CCDC124: variants seen among roughly 807,000 people sequenced by gnomAD.
CCDC124 encodes coiled-coil domain-containing protein 124.
Under a neutral mutation model 19.8 loss-of-function variants are expected in CCDC124, and 9 were observed. The ratio of observed to expected loss-of-function variants is 0.45; its 90% confidence interval spans 0.27 to 0.79. The LOEUF (loss-of-function observed/expected upper bound fraction) is 0.79, where lower values mean the gene tolerates loss of function less well. Among genes scored for constraint, CCDC124 ranks in the 30% least tolerant of loss-of-function variants. CCDC124 has a pLI of 0.14. For missense variants in CCDC124, 285 were observed against 319.0 expected, an observed-to-expected ratio of 0.89 and a Z score of 0.81; for synonymous variants, 126 against 131.3, an observed-to-expected ratio of 0.96 and a Z score of 0.27.
At chr19:17,938,778 G>C (rs1352822939) in intron 2 of CCDC124, among the ~76,000 whole-genome samples, 1 of 151,920 alleles carries the variant, frequency 6.6e-6, no homozygotes, top group South Asian at 2.1e-4. Flanking sequence ...TTTGTGTAGG[G>C]GGTGGGGGTC....
chr19:17,941,109 G>A (rs1351688629), intron 2 of CCDC124, among the ~76,000 whole-genome samples: 1 of 147,832 alleles, frequency 6.8e-6, no homozygotes, highest in Non-Finnish European at 1.5e-5. Context: ...TTGGCTAGTT[G>A]GCTATAGTTT....
chr19:17,940,193 G>A (rs902524824), intron 2 of CCDC124, among the ~76,000 whole-genome samples: 9 of 152,112 alleles, frequency 5.9e-5, no homozygotes, highest in African/African-American at 1.2e-4. Context: ...AATTACATGC[G>A]TGAGCCACCG....
chr19:17,940,488 C>T (rs1001495123), intron 2 of CCDC124, among the ~76,000 whole-genome samples: 3 of 152,076 alleles, frequency 2.0e-5, no homozygotes, highest in African/African-American at 7.2e-5. Flanking sequence ...CCAAAGGGGC[C>T]GGGCATGGTG....
chr19:17,937,347 G>T (rs1453437808), intron 2 of CCDC124, among the ~76,000 whole-genome samples: 1 of 152,152 alleles, frequency 6.6e-6, no homozygotes, highest in Non-Finnish European at 1.5e-5. Flanking sequence ...AGAGGAAATG[G>T]TGTGTGGAAA....
chr19:17,943,739 C>T lies in CCDC124; in HGVS notation c.*24C>T, dbSNP rs201423769. The T allele has an allele frequency of 8.1e-6, 13 of 1,606,316 alleles. No homozygotes were observed. Among genetic ancestry groups the T allele is most frequent in the Non-Finnish European group, 1.1e-5 (13 of 1,175,882 alleles). On this transcript the variant is annotated 3_prime_UTR_variant, in exon 5 of 5. Coordinates refer to ENST00000445755, the MANE Select transcript of CCDC124 (RefSeq NM_001136203.2). Reference sequence around the variant, plus strand: ...GAGCCCAGAACTTGGGGAGCCAGTTCACCCACGGGTGGTCCAGGTCACGAC... The same window carrying T: ...GAGCCCAGAACTTGGGGAGCCAGTTTACCCACGGGTGGTCCAGGTCACGAC...
At chr19:17,940,995 C>T (rs2031167419) in intron 2 of CCDC124, among the ~76,000 whole-genome samples, 1 of 148,566 alleles carries the variant, frequency 6.7e-6, no homozygotes, top group Non-Finnish European at 1.5e-5. Context: ...TGCAGTGAGC[C>T]GAGATGGCGC....
intron 2 of CCDC124, among the ~76,000 whole-genome samples, chr19:17,941,336 C>T (rs942950387): frequency 6.6e-6 from 1 of 151,912 alleles, no homozygotes; most frequent in East Asian, 1.9e-4. Context: ...CATGGTGAAA[C>T]CCCGTCTCTA....
rs891799377 is a variant in CCDC124 at position 17,942,893 on chromosome 19, G to T, written c.349+48G>T. 6.8e-7 allele frequency: 1 copy of T among 1,462,276 alleles called. No individual in the cohort carries two copies. Among genetic ancestry groups the T allele is most frequent in the Non-Finnish European group, 9.0e-7 (1 of 1,107,990 alleles). The allele number at this position is 1,462,276 out of a possible 1,614,324, so 90.6% of individuals were successfully genotyped here. On this transcript the variant is annotated intron_variant, in intron 3 of 4. Transcript: ENST00000445755. The surrounding 1 kb of genome is among the most constrained non-coding windows in gnomAD (Gnocchi z 4.2). ...AGCTGCACTTTTGCCCACTGCAGAG[G>T]CAGTGGACCTTGAGTCCATTAGCCC... is the stretch of plus-strand genomic sequence containing the variant.
chr19:17,937,865 C>T (rs2031098696), intron 2 of CCDC124, among the ~76,000 whole-genome samples: 1 of 152,130 alleles, frequency 6.6e-6, no homozygotes, highest in Non-Finnish European at 1.5e-5. Flanking sequence ...TCCTGAGTAG[C>T]TGGAATTACG....
intron 4 of CCDC124, 36 bp from the exon 5 acceptor site, chr19:17,943,472 C>T (rs751867293): frequency 4.3e-5 from 68 of 1,597,348 alleles, no homozygotes; most frequent in East Asian, 9.0e-5. Flanking sequence ...GGCAAGGCTG[C>T]GCCCAAGGCC....
chr19:17,942,627 C>G lies in CCDC124; in HGVS notation c.160-29C>G. On this transcript the variant is annotated intron_variant, in intron 2 of 4. Transcript: ENST00000445755. This position sits in a 1 kb window ranked among gnomAD's most constrained non-coding sequence, Gnocchi z 4.2. ...GGGTGGCGCGGGGGTGTGGGGTCTT[C>G]TGCCTGACCATGCACGCCGCCCCCG... is the stretch of plus-strand genomic sequence containing the variant. 6.5e-7 allele frequency: 1 copy of G among 1,549,572 alleles called. No individual in the cohort carries two copies. Among genetic ancestry groups the G allele is most frequent in the South Asian group, 1.2e-5 (1 of 83,982 alleles).
intron 1 of CCDC124, among the ~76,000 whole-genome samples, chr19:17,934,526 C>T (rs976854068): frequency 2.6e-5 from 4 of 151,838 alleles, no homozygotes; most frequent in Non-Finnish European, 5.9e-5. Context: ...TGGCTCAGGC[C>T]TGTAATCCCA....
In CCDC124 at chr19:17,943,241, T is replaced by TCTGGCCCCCCCCCCCCC; in HGVS notation, c.350-19_350-18insTGGCCCCCCCCCCCCCC. On this transcript the variant is annotated intron_variant, in intron 3 of 4. Transcript: ENST00000445755. ...CTTTGCTTATCTCTCTCTGTCTCTG[T>TCTGGCCCCCCCCCCCCC]CACCCACCCACCCGCCCAGCCGAGA... 1.4e-6 allele frequency: 1 copy of TCTGGCCCCCCCCCCCCC among 736,678 alleles called. No homozygotes were observed. Among genetic ancestry groups the TCTGGCCCCCCCCCCCCC allele is most frequent in the Non-Finnish European group, 2.4e-6 (1 of 414,970 alleles). The allele number at this position is 736,678 out of a possible 1,614,324, so 45.6% of individuals were successfully genotyped here.
In CCDC124 at chr19:17,943,918, CG is replaced by C. The variant is rs1481100578; in HGVS notation, c.*205del. 3 of 603,372 alleles carry C rather than the reference CG, an allele frequency of 5.0e-6. No homozygotes were observed. The African/African-American group carries it at 5.6e-5, about 11-fold the overall frequency. The allele number at this position is 603,372 out of a possible 1,614,324, so 37.4% of individuals were successfully genotyped here. A position where few individuals can be genotyped will look rare whatever the true frequency, so the allele number is the denominator to read the frequency against. ...TGACACCCCATCCCCTCCCATCCCC[CG>C]GCGCGTGTGTGTAGAGCCTCAGGGC... On this transcript the variant is annotated 3_prime_UTR_variant, in exon 5 of 5. Transcript: ENST00000445755.
Position 17,942,717 on chromosome 19 carries a change from T to C in CCDC124, c.221T>C (p.Leu74Pro). 1 of 1,552,916 alleles carries C rather than the reference T, an allele frequency of 6.4e-7. No individual in the cohort carries two copies. Among genetic ancestry groups the C allele is most frequent in the Non-Finnish European group, 8.7e-7 (1 of 1,148,306 alleles). The change falls in exon 3 of 5, where the codon CTG (leucine) becomes CCG (proline). Residue 74 changes from leucine (L) to proline (P), a missense_variant. By Grantham distance (98) the Leu-to-Pro change is moderately conservative. Transcript: ENST00000445755. The surrounding 1 kb of genome is among the most constrained non-coding windows in gnomAD (Gnocchi z 4.2). ...LERKKETQRL[L>P]EEEDSKLKGG... ...CGTAAGAAGGAGACGCAGCGCCTAC[T>C]GGAGGAGGAGGACTCCAAGCTCAAG...
In CCDC124 at chr19:17,942,818, C is replaced by T. The variant is rs774887396; in HGVS notation, c.322C>T (p.His108Tyr). 1 of 1,533,198 alleles carries T rather than the reference C, an allele frequency of 6.5e-7. No homozygotes were observed. The highest frequency in any genetic ancestry group is 1.2e-5 in the South Asian group (1 of 81,600). The allele number at this position is 1,533,198 out of a possible 1,614,324, so 95.0% of individuals were successfully genotyped here. ...AQIEDTLRRDHQLREAPDTAE... is the reference protein window; with the variant it reads ...AQIEDTLRRDYQLREAPDTAE... ...GATCGAGGACACGCTGCGCCGAGAC[C>T]ATCAGCTCAGGGAGGCCCCGGACAC... The change falls in exon 3 of 5, where the codon CAT becomes TAT. Residue 108 changes from histidine to tyrosine, a missense_variant. His to Tyr is a moderately conservative substitution (Grantham distance 83). Coordinates refer to ENST00000445755, the MANE Select transcript of CCDC124 (RefSeq NM_001136203.2). The surrounding 1 kb of genome is among the most constrained non-coding windows in gnomAD (Gnocchi z 4.2).
At position 17,936,456 on chromosome 19, in the gene CCDC124, G is replaced by T. The variant is rs376311366; in HGVS notation, c.36G>T (p.Ser12=). 2.5e-6 allele frequency: 4 copies of T among 1,613,314 alleles called. No individual in the cohort carries two copies. In the African/African-American group the frequency reaches 5.3e-5, roughly 22 times the overall value. The part of the protein sequence containing the change: ...PKKFQGENTK[S]AAARARRAEA... ...AGTTCCAGGGTGAGAACACCAAGTCGGCAGCGGCCCGGGCACGTAGGGCAG... is the reference window on the plus strand; with the variant it reads ...AGTTCCAGGGTGAGAACACCAAGTCTGCAGCGGCCCGGGCACGTAGGGCAG... The change falls in exon 2 of 5, where the codon TCG becomes TCT. Residue 12 remains serine (S), a synonymous_variant. Transcript: ENST00000445755.
chr19:17,940,879 C>T (rs1328740998), intron 2 of CCDC124, among the ~76,000 whole-genome samples: 1 of 151,368 alleles, frequency 6.6e-6, no homozygotes, highest in Non-Finnish European at 1.5e-5. Flanking sequence ...AACCCCATCT[C>T]TACTAAAAAT....
At chr19:17,935,784 T>C (rs1301790550) in intron 1 of CCDC124, among the ~76,000 whole-genome samples, 1 of 152,196 alleles carries the variant, frequency 6.6e-6, no homozygotes, top group Non-Finnish European at 1.5e-5. Context: ...GGTTTCACCA[T>C]GTTGACTAGA....
Sources: allele counts gnomAD v4.1 joint callset (sites outside exome capture counted in the v4.1 genomes callset), GRCh38; gene constraint gnomAD v4.1.1; non-coding constraint Gnocchi (gnomAD v3.1); transcripts MANE v1.5; gene names NCBI Gene and HGNC (gene_info 2026-07-23, HGNC 2026-07-21).